LGSN: variants seen among roughly 807,000 people sequenced by gnomAD.
LGSN encodes the protein lengsin, lens protein with glutamine synthetase domain.
LGSN carries 21 observed loss-of-function variants against 19.5 expected under a neutral mutation model. The ratio of observed to expected loss-of-function variants is 1.07; its 90% CI spans 0.76 to 1.55. The LOEUF (loss-of-function observed/expected upper bound fraction) is 1.55. Among genes scored for constraint, LGSN ranks in the 40% most tolerant of loss-of-function variants. LGSN has a pLI of 0.00. For missense variants in LGSN, 673 were observed against 608.5 expected (o/e 1.11, Z -1.12); for synonymous variants, 257 against 215.6 (o/e 1.19, Z -1.68).
intron 2 of LGSN, among the ~76,000 whole-genome samples, chr6:63,290,726 G>A (rs1292070821): frequency 1.3e-5 from 2 of 152,260 alleles, no homozygotes; most frequent in African/African-American, 4.8e-5. Context: ...TATGGTATTC[G>A]TTGCAGCTAC....
chr6:63,458,219 C>T, the LGSN span, among the ~76,000 whole-genome samples: 1 of 152,164 alleles, frequency 6.6e-6, no homozygotes, highest in Non-Finnish European at 1.5e-5. Flanking sequence ...AGGCATGTGC[C>T]CCCACGCCCG....
the LGSN span, among the ~76,000 whole-genome samples, chr6:63,334,983 A>G: frequency 7.1e-6 from 1 of 141,460 alleles, no homozygotes; most frequent in African/African-American, 2.7e-5. Flanking sequence ...CTAAAAATAC[A>G]AAAAAAAAAA....
the LGSN span, among the ~76,000 whole-genome samples, chr6:63,405,014 T>C: frequency 7.3e-6 from 1 of 137,152 alleles, no homozygotes; most frequent in East Asian, 2.2e-4. Flanking sequence ...GTCCATGTGA[T>C]CTCATTGTTC....
At chr6:63,358,215 A>G in the LGSN span, among the ~76,000 whole-genome samples, 3 of 152,220 alleles carry the variant, frequency 2.0e-5, no homozygotes, top group African/African-American at 4.8e-5. Flanking sequence ...TACCAGTACC[A>G]TGCTGTTTTG....
At chr6:63,359,442 A>G in the LGSN span, among the ~76,000 whole-genome samples, 1 of 152,162 alleles carries the variant, frequency 6.6e-6, no homozygotes, top group East Asian at 1.9e-4. Context: ...GGTAGAATGC[A>G]TCTGTGAATC....
chr6:63,380,856 G>C, the LGSN span, among the ~76,000 whole-genome samples: 7 of 152,246 alleles, frequency 4.6e-5, no homozygotes, highest in East Asian at 3.9e-4. Flanking sequence ...TTTGCAGAAA[G>C]AAAGTTCAGG....
At chr6:63,500,483 G>A in the LGSN span, among the ~76,000 whole-genome samples, 1 of 152,008 alleles carries the variant, frequency 6.6e-6, no homozygotes, top group African/African-American at 2.4e-5. Flanking sequence ...GTGCAATGGT[G>A]TGATCTCAGC....
chr6:63,374,317 G>A, the LGSN span, among the ~76,000 whole-genome samples: 4 of 152,150 alleles, frequency 2.6e-5, no homozygotes, highest in South Asian at 2.1e-4. Context: ...TCAATAGAGC[G>A]CCATGATATT....
At chr6:63,362,388 A>G in the LGSN span, among the ~76,000 whole-genome samples, 1 of 152,094 alleles carries the variant, frequency 6.6e-6, no homozygotes, top group African/African-American at 2.4e-5. Context: ...CCCACAGAGC[A>G]GGGCGGGGCA....
the LGSN span, among the ~76,000 whole-genome samples, chr6:63,338,260 A>T: frequency 6.6e-6 from 1 of 152,140 alleles, no homozygotes; most frequent in Non-Finnish European, 1.5e-5. Flanking sequence ...AATAAATAAG[A>T]AGCCATTATA....
intron 2 of LGSN, among the ~76,000 whole-genome samples, chr6:63,291,875 C>T (rs1767786472): frequency 6.6e-6 from 1 of 152,108 alleles, no homozygotes; most frequent in African/African-American, 2.4e-5. Context: ...AGGTTATGGA[C>T]CTTAAAATAG....
chr6:63,357,732 G>T, the LGSN span, among the ~76,000 whole-genome samples: 2 of 152,042 alleles, frequency 1.3e-5, no homozygotes. Context: ...CTGGATATTA[G>T]CCCTTTGTCA....
At chr6:63,447,003 C>A in the LGSN span, among the ~76,000 whole-genome samples, 12 of 152,066 alleles carry the variant, frequency 7.9e-5, no homozygotes, top group East Asian at 1.2e-3. Flanking sequence ...GAGCCGAGAT[C>A]GTGCCGTTGC....
the LGSN span, among the ~76,000 whole-genome samples, chr6:63,468,907 C>G: frequency 6.6e-6 from 1 of 152,064 alleles, no homozygotes; most frequent in Admixed American, 6.6e-5. Flanking sequence ...CTTCACAATG[C>G]CTGGCTAATT....
At chr6:63,413,699 T>C in the LGSN span, among the ~76,000 whole-genome samples, 1 of 152,156 alleles carries the variant, frequency 6.6e-6, no homozygotes, top group African/African-American at 2.4e-5. Flanking sequence ...TTATCCCTCT[T>C]TTTACAAATA....
At chr6:63,373,881 G>A in the LGSN span, among the ~76,000 whole-genome samples, 3 of 151,906 alleles carry the variant, frequency 2.0e-5, no homozygotes, top group African/African-American at 7.3e-5. Flanking sequence ...GTTGCAGTGA[G>A]CCAAGATGGG....
At chr6:63,514,891 A>G in the LGSN span, among the ~76,000 whole-genome samples, 1 of 151,862 alleles carries the variant, frequency 6.6e-6, no homozygotes, top group Admixed American at 6.6e-5. Context: ...TTATGTAGTG[A>G]CAGGGTCTCA....
chr6:63,332,915 C>T, the LGSN span, among the ~76,000 whole-genome samples: 6 of 152,000 alleles, frequency 3.9e-5, no homozygotes, highest in East Asian at 3.9e-4. Flanking sequence ...CGGACCCTCG[C>T]GGTGAGTGTT....
chr6:63,461,110 C>T, the LGSN span, among the ~76,000 whole-genome samples: 5 of 152,142 alleles, frequency 3.3e-5, no homozygotes, highest in Admixed American at 6.6e-5. Context: ...CTCTGTCGCC[C>T]GGGCTGGAGT....
Sources: allele counts gnomAD v4.1 joint callset (sites outside exome capture counted in the v4.1 genomes callset), GRCh38; gene constraint gnomAD v4.1.1; transcripts MANE v1.5; gene names NCBI Gene and HGNC (gene_info 2026-07-23, HGNC 2026-07-21).